Variants in DYSF observed in about 807,000 individuals in gnomAD.
DYSF encodes dystrophy-associated fer-1-like 1.
In DYSF, 212 loss-of-function variants were observed where a neutral mutation model predicts 274.9. The observed-to-expected ratio is 0.77, with a 90% CI of 0.69 to 0.86. The LOEUF (loss-of-function observed/expected upper bound fraction) is 0.86, where lower values mean the gene tolerates loss of function less well. Ranked by LOEUF, DYSF falls within the 40% of genes least tolerant of loss-of-function variation. DYSF has a pLI of 0.00. For missense variants in DYSF, 2,666 were observed against 2,783.2 expected (o/e 0.96, Z 0.95); for synonymous variants, 1,091 against 1,078.7 (o/e 1.01, Z -0.22).
At chr2:71,480,384 G>GCA (rs972391004) in intron 1 of DYSF, among the ~76,000 whole-genome samples, 4 of 118,046 alleles carry the variant, frequency 3.4e-5, no homozygotes, top group Non-Finnish European at 5.3e-5. Context: ...ACACACACAC[G>GCA]CACACACACA....
At chr2:71,661,654 G>A (rs569368964) in intron 45 of DYSF, among the ~76,000 whole-genome samples, 1 of 152,324 alleles carries the variant, frequency 6.6e-6, no homozygotes, top group South Asian at 2.1e-4. Flanking sequence ...GTTTGGATGT[G>A]AGCTTGTTTA....
At chr2:71,676,149 C>T (rs1218742730) in intron 52 of DYSF, among the ~76,000 whole-genome samples, 1 of 152,096 alleles carries the variant, frequency 6.6e-6, no homozygotes, top group African/African-American at 2.4e-5. Flanking sequence ...TCCTTCGATC[C>T]TTTGTGCATA....
intron 19 of DYSF, among the ~76,000 whole-genome samples, chr2:71,552,745 G>A (rs2091039373): frequency 6.6e-6 from 1 of 152,272 alleles, no homozygotes; most frequent in Admixed American, 6.5e-5. Flanking sequence ...ATGGCTGCTG[G>A]TTTGGATTAG....
chr2:71,532,830 TTCTATCTATCTATCTATCTA>T (rs61396446), intron 14 of DYSF, among the ~76,000 whole-genome samples: 30 of 147,556 alleles, frequency 2.0e-4, no homozygotes, highest in East Asian at 1.0e-3. Flanking sequence ...AGTACATTTA[TTCTATCTATCTATCTATCTA>T]TCTATCTATC....
At chr2:71,595,275 G>C (rs72827593) in intron 32 of DYSF, among the ~76,000 whole-genome samples, 6,098 of 152,254 alleles carry the variant, frequency 0.04, 150 homozygotes, top group Middle Eastern at 0.11. Context: ...AATATTGCTG[G>C]AGTCTAGTTT....
At chr2:71,627,415 G>A (rs1411966808) in intron 41 of DYSF, among the ~76,000 whole-genome samples, 1 of 151,918 alleles carries the variant, frequency 6.6e-6, no homozygotes, top group Non-Finnish European at 1.5e-5. Context: ...TGATTTCTAG[G>A]TTAACTGGAA....
intron 13 of DYSF, 72 bp downstream of exon 13, chr2:71,526,418 T>TGGGGTGGGGGGGGGGGGGGTTG: frequency 3.8e-6 from 1 of 261,500 alleles, no homozygotes; most frequent in Non-Finnish European, 7.0e-6. Context: ...GGGTGGGCGA[T>TGGGGTGGGGGGGGGGGGGGTTG]GGCGGGCGGG....
intron 17 of DYSF, among the ~76,000 whole-genome samples, chr2:71,539,910 A>T (rs2152768089): frequency 1.3e-5 from 2 of 152,346 alleles, no homozygotes; most frequent in Middle Eastern, 6.8e-3. Flanking sequence ...GTGAATACAC[A>T]TATTCCATTA....
At chr2:71,618,266 G>GGTGGGGT (rs1558638422) in intron 40 of DYSF, among the ~76,000 whole-genome samples, 1 of 46,016 alleles carries the variant, frequency 2.2e-5, no homozygotes, top group Non-Finnish European at 4.9e-5. Flanking sequence ...GTGTGGTAGA[G>GGTGGGGT]GTGTGTGTGT....
At chr2:71,628,395 C>A (rs1056599982) in intron 41 of DYSF, among the ~76,000 whole-genome samples, 5 of 148,538 alleles carry the variant, frequency 3.4e-5, no homozygotes, top group Admixed American at 6.9e-5. Flanking sequence ...TCATTTTTTT[C>A]TTTTAGCTAT....
chr2:71,498,287 C>T (rs908235230), intron 3 of DYSF, among the ~76,000 whole-genome samples: 3 of 152,208 alleles, frequency 2.0e-5, no homozygotes, highest in African/African-American at 7.2e-5. Flanking sequence ...TTATGAAGAC[C>T]TGCCTGTTCA....
Position 71,669,095 on chromosome 2 carries a change from G to C in DYSF, c.5547-17G>C. 6.4e-7 allele frequency: 1 copy of C among 1,573,780 alleles called. No individual in the cohort carries two copies. Among genetic ancestry groups the C allele is most frequent in the Non-Finnish European group, 8.6e-7 (1 of 1,156,354 alleles). ...TGGTAGGAAATCTAGGTGGATTAGA[G>C]TGATACCTTTCCCCAGGTTTTTCCT... On this transcript the variant is annotated splice_polypyrimidine_tract_variant and intron_variant, in intron 49 of 55. Coordinates refer to ENST00000410020, the MANE Select transcript of DYSF (RefSeq NM_001130987.2).
Position 71,586,356 on chromosome 2 carries a change from G to A in DYSF, c.3403-3237G>A, listed in dbSNP as rs528527213. ...AAAAATCCCCATCTGTCTCCCTGAG[G>A]TAGAGGGAGAAGGTCAGCACTTGGG... On this transcript the variant is annotated intron_variant, in intron 30 of 55. Transcript: ENST00000410020. Among the ~76,000 whole-genome samples the A allele has an allele frequency of 2.0e-5, 3 of 152,252 alleles. No homozygotes were observed. In the East Asian group the frequency reaches 5.8e-4, roughly 29 times the overall value.
chr2:71,557,795 C>A (rs1032527142), intron 22 of DYSF, among the ~76,000 whole-genome samples: 1 of 152,088 alleles, frequency 6.6e-6, no homozygotes, highest in Non-Finnish European at 1.5e-5. Context: ...GCTGTAATCC[C>A]AGCACTTTGG....
intron 4 of DYSF, among the ~76,000 whole-genome samples, chr2:71,507,017 C>A (rs1291163525): frequency 2.0e-5 from 3 of 152,062 alleles, no homozygotes; most frequent in Non-Finnish European, 2.9e-5. Flanking sequence ...GCTCAGGAAA[C>A]CCCAGAAGGG....
intron 52 of DYSF, among the ~76,000 whole-genome samples, chr2:71,678,470 ATC>A (rs2095254423): frequency 6.6e-6 from 1 of 152,240 alleles, no homozygotes; most frequent in South Asian, 2.1e-4. Context: ...TATATGAAAT[ATC>A]TAGAATAGAC....
At chr2:71,566,101 C>G (rs2092084170) in intron 24 of DYSF, among the ~76,000 whole-genome samples, 1 of 152,068 alleles carries the variant, frequency 6.6e-6, no homozygotes, top group African/African-American at 2.4e-5. Flanking sequence ...TTGTCAGAGC[C>G]TAACCTCTGA....
intron 45 of DYSF, among the ~76,000 whole-genome samples, chr2:71,662,294 T>C (rs995468815): frequency 1.1e-4 from 16 of 152,222 alleles, no homozygotes; most frequent in African/African-American, 3.9e-4. Flanking sequence ...TCTGCTCACA[T>C]TGAGCTCAGC....
chr2:71,554,109 G>C (rs992729511), intron 21 of DYSF, among the ~76,000 whole-genome samples, 178 bp downstream of exon 21: 1 of 152,212 alleles, frequency 6.6e-6, no homozygotes, highest in African/African-American at 2.4e-5. Context: ...GTCCTGTCCT[G>C]CATGCTTGGA....
Sources: gnomAD v4.1 joint callset for allele counts (sites outside exome capture counted in the v4.1 genomes callset) on GRCh38, gnomAD v4.1.1 for gene constraint, MANE v1.5 for transcripts, NCBI Gene and HGNC (gene_info 2026-07-23, HGNC 2026-07-21) for gene names.